The following RHPN2 variants were observed in gnomAD, a reference collection of about 807,000 sequenced individuals.
The protein encoded by RHPN2 is rhophilin Rho GTPase binding protein 2.
Under a neutral mutation model 79.0 loss-of-function variants are expected in RHPN2, and 40 were observed. The ratio of observed to expected loss-of-function variants is 0.51; its 90% CI spans 0.39 to 0.66. RHPN2 has a LOEUF of 0.66. Among genes scored for constraint, RHPN2 ranks in the 30% least tolerant of loss-of-function variants. The pLI is 0.00. For missense variants in RHPN2, 686 were observed against 883.5 expected (o/e 0.78, Z 2.83); for synonymous variants, 285 against 363.5 (o/e 0.78, Z 2.46).
chr19:33,013,906 A>G (rs926175160), intron 4 of RHPN2, among the ~76,000 whole-genome samples: 1 of 126,358 alleles, frequency 7.9e-6, no homozygotes, highest in African/African-American at 2.7e-5. Flanking sequence ...GCAGGGTCTC[A>G]CTTTGTTGCC....
chr19:33,008,139 A>G lies in RHPN2; in HGVS notation c.635T>C (p.Leu212Pro). The change falls in exon 7 of 15, where the codon CTG (leucine) becomes CCG (proline). Residue 212 changes from leucine to proline, a missense_variant. Transcript: ENST00000254260. Reference protein sequence around the residue: ...LTGVPVSQQNLLLEKASVLFN... With the variant: ...LTGVPVSQQNPLLEKASVLFN... ...CAGGACACTGGCCTTCTCCAGCAGC[A>G]GGTTCTGCTGGCTGACCGGAACCCC... is the stretch of plus-strand genomic sequence containing the variant. 1 of 1,614,132 alleles carries G rather than the reference A, an allele frequency of 6.2e-7. No individual in the cohort carries two copies. The highest frequency in any genetic ancestry group is 8.5e-7 in the Non-Finnish European group (1 of 1,180,018).
intron 9 of RHPN2, among the ~76,000 whole-genome samples, chr19:33,000,652 T>C (rs1234855550): frequency 6.6e-6 from 1 of 152,074 alleles, no homozygotes; most frequent in Non-Finnish European, 1.5e-5. Context: ...GCAGAGCCCC[T>C]TCCTGCTTCA....
chr19:32,997,675 C>G (rs2082422), intron 10 of RHPN2, among the ~76,000 whole-genome samples: 142,798 of 152,110 alleles, frequency 0.94, 67,106 homozygotes, highest in East Asian at 1. Flanking sequence ...ATTTTTGGTA[C>G]AGACGGGGTT....
chr19:33,001,037 T>C (rs1971745423), intron 9 of RHPN2, among the ~76,000 whole-genome samples: 1 of 152,166 alleles, frequency 6.6e-6, no homozygotes, highest in Admixed American at 6.5e-5. Flanking sequence ...GCCCTTCGTT[T>C]TCGTTTTCAT....
intron 12 of RHPN2, among the ~76,000 whole-genome samples, chr19:32,993,127 T>C (rs1164107848): frequency 1.4e-5 from 2 of 144,098 alleles, no homozygotes; most frequent in African/African-American, 5.2e-5. Flanking sequence ...CTAAAAAAAC[T>C]AAAAAATATT....
At chr19:33,055,948 A>G (rs1972228908) in intron 1 of RHPN2, among the ~76,000 whole-genome samples, 1 of 152,018 alleles carries the variant, frequency 6.6e-6, no homozygotes, top group Non-Finnish European at 1.5e-5. Flanking sequence ...TAGCATTCCC[A>G]AAGGATGAAG....
At chr19:33,029,860 G>A (rs552808416) in intron 2 of RHPN2, among the ~76,000 whole-genome samples, 3 of 152,312 alleles carry the variant, frequency 2.0e-5, no homozygotes, top group Admixed American at 6.5e-5. Flanking sequence ...TCCTCTCCCA[G>A]TGGAATCCCA....
chr19:33,024,523 G>A (rs897723327), intron 3 of RHPN2, among the ~76,000 whole-genome samples: 1 of 152,132 alleles, frequency 6.6e-6, no homozygotes, highest in Non-Finnish European at 1.5e-5. Flanking sequence ...GAGCCAGCGA[G>A]GTTTCACACA....
chr19:33,038,964 G>C (rs889289669), intron 2 of RHPN2, among the ~76,000 whole-genome samples: 1 of 149,802 alleles, frequency 6.7e-6, no homozygotes, highest in African/African-American at 2.4e-5. Flanking sequence ...GGTCTAAAAA[G>C]TTTTTTTTTT....
intron 1 of RHPN2, among the ~76,000 whole-genome samples, chr19:33,058,389 C>T (rs546928241): frequency 6.6e-6 from 1 of 152,296 alleles, no homozygotes; most frequent in Non-Finnish European, 1.5e-5. Context: ...AGCATAATGT[C>T]ATTTTAAAGA....
chr19:33,026,442 C>G (rs1369454165), intron 3 of RHPN2, 62 bp downstream of exon 3: 1 of 1,591,614 alleles, frequency 6.3e-7, no homozygotes, highest in Non-Finnish European at 8.5e-7. Context: ...TTGTGCAGCA[C>G]CCTGGATGTA....
intron 1 of RHPN2, among the ~76,000 whole-genome samples, chr19:33,061,426 C>T (rs1052267171): frequency 2.0e-5 from 3 of 151,368 alleles, no homozygotes; most frequent in Non-Finnish European, 2.9e-5. Context: ...AGGAAGGTCT[C>T]GATCTCCTGA....
chr19:33,005,173 G>A (rs1971779994), intron 7 of RHPN2, among the ~76,000 whole-genome samples: 1 of 151,622 alleles, frequency 6.6e-6, no homozygotes, highest in South Asian at 2.1e-4. Context: ...CAGCACTTTG[G>A]GAGGCCGAGG....
At chr19:33,032,354 G>T (rs753622850) in intron 2 of RHPN2, among the ~76,000 whole-genome samples, 1 of 152,048 alleles carries the variant, frequency 6.6e-6, no homozygotes, top group African/African-American at 2.4e-5. Context: ...ACGTATAGAT[G>T]ATTAAATCAT....
At chr19:32,998,276 T>C (rs184443569) in intron 10 of RHPN2, among the ~76,000 whole-genome samples, 116 of 152,278 alleles carry the variant, frequency 7.6e-4, no homozygotes, top group African/African-American at 2.7e-3. Context: ...GCAGCAGGAT[T>C]AAAGTGGCCA....
At chr19:32,989,644 A>G (rs1270545844) in intron 14 of RHPN2, among the ~76,000 whole-genome samples, 2 of 152,200 alleles carry the variant, frequency 1.3e-5, no homozygotes, top group Non-Finnish European at 1.5e-5. Flanking sequence ...AGAAAAATAG[A>G]TCAGTTGATT....
chr19:33,052,020 CAGAA>C (rs2145269015), intron 1 of RHPN2, among the ~76,000 whole-genome samples: 1 of 149,230 alleles, frequency 6.7e-6, no homozygotes, highest in African/African-American at 2.5e-5. Context: ...GAATTAAAGT[CAGAA>C]AGAGAGCCCT....
chr19:33,029,262 C>T (rs1191468051), intron 2 of RHPN2, among the ~76,000 whole-genome samples: 3 of 152,090 alleles, frequency 2.0e-5, no homozygotes, highest in Non-Finnish European at 4.4e-5. Context: ...TGTGGTAGCT[C>T]ACGCCTGTAA....
chr19:33,014,031 A>G (rs1242041395), intron 4 of RHPN2, among the ~76,000 whole-genome samples: 1 of 151,752 alleles, frequency 6.6e-6, no homozygotes, highest in African/African-American at 2.4e-5. Context: ...ACGTGCCACA[A>G]GCTAATTTCA....
Sources: allele counts gnomAD v4.1 joint callset (sites outside exome capture counted in the v4.1 genomes callset), GRCh38; gene constraint gnomAD v4.1.1; transcripts MANE v1.5; gene names NCBI Gene and HGNC (gene_info 2026-07-23, HGNC 2026-07-21).